Variants in CSMD3 observed in about 807,000 individuals in gnomAD.
CSMD3 encodes CUB and Sushi multiple domains 3, also known as CUB and sushi domain-containing protein 3.
A neutral mutation model predicts 435.2 loss-of-function variants in CSMD3; 177 were observed. That is an observed-to-expected ratio of 0.41 (90% confidence interval 0.36 to 0.46). The LOEUF (loss-of-function observed/expected upper bound fraction) is 0.46. Ranked by LOEUF, CSMD3 falls within the 20% of genes least tolerant of loss-of-function variation. The pLI, the probability that CSMD3 is intolerant of heterozygous loss-of-function variation, is 0.34. For synonymous variants in CSMD3, 1,656 were observed against 1,520.5 expected, an observed-to-expected ratio of 1.09 and a Z score of -2.07; for missense variants, 4,265 against 4,504.6, an observed-to-expected ratio of 0.95 and a Z score of 1.52.
intron 32 of CSMD3, among the ~76,000 whole-genome samples, chr8:112,470,624 A>C (rs142397623): frequency 4.0e-4 from 61 of 152,184 alleles, no homozygotes; most frequent in African/African-American, 1.4e-3. Flanking sequence ...GACATACTTC[A>C]CATGTATATA....
intron 32 of CSMD3, among the ~76,000 whole-genome samples, chr8:112,419,584 C>G (rs931559400): frequency 2.0e-5 from 3 of 152,066 alleles, no homozygotes; most frequent in African/African-American, 7.2e-5. Context: ...TTTGTCAACC[C>G]ATAAACTAGG....
chr8:112,385,637 GC>G (rs1829872987), intron 36 of CSMD3, among the ~76,000 whole-genome samples: 1 of 152,196 alleles, frequency 6.6e-6, no homozygotes, highest in South Asian at 2.1e-4. Context: ...TGTATTGGAG[GC>G]AGGAGTAGTA....
rs182678117 is a variant in CSMD3 at position 112,383,624 on chromosome 8, A to T, written c.5974T>A (p.Ser1992Thr). The change falls in exon 37 of 71, where the codon TCT (serine) becomes ACT (threonine). Residue 1992 changes from serine (S) to threonine (T), a missense_variant. Ser to Thr is a moderately conservative substitution (Grantham distance 58). Coordinates refer to ENST00000297405, the MANE Select transcript of CSMD3 (RefSeq NM_198123.2). Reference sequence around the variant, plus strand: ...TCTCCCCCATCATAAAAGTCCAGAGAATCCCAATTATGTTCTGTAGCAAAG... The same window carrying T: ...TCTCCCCCATCATAAAAGTCCAGAGTATCCCAATTATGTTCTGTAGCAAAG... Reference protein sequence around the residue: ...VSFATEHNWDSLDFYDGGDNN... With the variant: ...VSFATEHNWDTLDFYDGGDNN... The T allele has an allele frequency of 2.5e-6, 4 of 1,609,714 alleles. No individual in the cohort carries two copies. In the East Asian group the frequency reaches 8.9e-5, roughly 36 times the overall value.
At chr8:112,335,684 A>C (rs1033998132) in intron 44 of CSMD3, among the ~76,000 whole-genome samples, 8 of 151,384 alleles carry the variant, frequency 5.3e-5, no homozygotes, top group African/African-American at 1.9e-4. Flanking sequence ...AATAGATTAC[A>C]TTTTTACTAA....
chr8:112,598,255 A>G (rs1286713471), intron 22 of CSMD3, among the ~76,000 whole-genome samples: 3 of 138,442 alleles, frequency 2.2e-5, no homozygotes, highest in African/African-American at 8.4e-5. Context: ...TCATGAGTGA[A>G]CTCCCATTCA....
intron 3 of CSMD3, among the ~76,000 whole-genome samples, chr8:113,265,416 C>A (rs1021558609): frequency 6.6e-6 from 1 of 151,444 alleles, no homozygotes; most frequent in African/African-American, 2.4e-5. Flanking sequence ...TTGAAGTAAA[C>A]CCTGGCTAGA....
At chr8:112,674,334 T>C (rs1254305438) in intron 16 of CSMD3, among the ~76,000 whole-genome samples, 1 of 152,140 alleles carries the variant, frequency 6.6e-6, no homozygotes, top group Non-Finnish European at 1.5e-5. Flanking sequence ...TGGAAGTTAT[T>C]GCTTTCCTTG....
chr8:112,420,030 C>T (rs1479066820), intron 32 of CSMD3, among the ~76,000 whole-genome samples: 1 of 151,998 alleles, frequency 6.6e-6, no homozygotes, highest in East Asian at 1.9e-4. Context: ...ATTTAATCAC[C>T]TTTCATATTT....
At chr8:112,644,327 T>C (rs2131609231) in intron 20 of CSMD3, among the ~76,000 whole-genome samples, 1 of 152,064 alleles carries the variant, frequency 6.6e-6, no homozygotes, top group South Asian at 2.1e-4. Context: ...TAAACATGAG[T>C]AATTGTTTAG....
chr8:112,298,066 CA>C (rs35232021), intron 53 of CSMD3, among the ~76,000 whole-genome samples: 24,293 of 93,976 alleles, frequency 0.26, 1,688 homozygotes, highest in Non-Finnish European at 0.36. Context: ...TGCCATTGCA[CA>C]AAAAAAAAAA....
chr8:113,157,740 G>A (rs1353178021), intron 4 of CSMD3, among the ~76,000 whole-genome samples: 1 of 152,068 alleles, frequency 6.6e-6, no homozygotes, highest in Non-Finnish European at 1.5e-5. Context: ...GATGAGATAT[G>A]TATTATAAGC....
At position 113,268,378 on chromosome 8, in the gene CSMD3, A is replaced by G. The variant is rs2093490167; in HGVS notation, c.514+10214T>C. On this transcript the variant is annotated intron_variant, in intron 3 of 70. Transcript: ENST00000297405. ...GAACTTTTTACTCATTTGGCTCTTT[A>G]TAACATTAAAACATATAAAACCTAA... Among the ~76,000 whole-genome samples the G allele has an allele frequency of 1.3e-5, 2 of 151,882 alleles. 1 individual carries two copies. The highest frequency in any genetic ancestry group is 4.1e-4 in the South Asian group (2 of 4,832).
chr8:112,529,029 TC>T (rs1825267040), intron 27 of CSMD3, among the ~76,000 whole-genome samples: 1 of 151,906 alleles, frequency 6.6e-6, no homozygotes, highest in African/African-American at 2.4e-5. Flanking sequence ...TCCCAAGTCT[TC>T]TTTGCTGCTC....
chr8:112,685,362 A>T (rs373486761), intron 15 of CSMD3, 44 bp downstream of exon 15: 24 of 1,506,214 alleles, frequency 1.6e-5, no homozygotes, highest in Non-Finnish European at 2.1e-5. Context: ...ACTCAAATTT[A>T]TAGAAATATA....
intron 3 of CSMD3, among the ~76,000 whole-genome samples, chr8:113,191,908 ATC>A (rs1420424600): frequency 1.3e-4 from 19 of 151,726 alleles, no homozygotes; most frequent in African/African-American, 4.4e-4. Flanking sequence ...CCTTGCCAGC[ATC>A]TGTTATTTCT....
intron 27 of CSMD3, among the ~76,000 whole-genome samples, chr8:112,545,986 T>C (rs1369887248): frequency 6.6e-6 from 1 of 152,202 alleles, no homozygotes; most frequent in Non-Finnish European, 1.5e-5. Context: ...TAGTAGTTCA[T>C]TGCTACTAGA....
At position 112,512,473 on chromosome 8, in the gene CSMD3, C is replaced by T. The variant is rs79091477; in HGVS notation, c.4756+4561G>A. 3.5e-3 allele frequency among the ~76,000 whole-genome samples: 535 copies of T among 152,254 alleles called. 3 individuals are homozygous for T. The highest frequency in any genetic ancestry group is 0.012 in the African/African-American group (516 of 41,558). On this transcript the variant is annotated intron_variant, in intron 28 of 70. Transcript: ENST00000297405. ...GAACAAGCAATGGGTACATTTTCAA[C>T]GAGCAGTGATATTTTGAAAATCATC...
chr8:113,260,863 T>C (rs1211463266), intron 3 of CSMD3, among the ~76,000 whole-genome samples: 1 of 152,160 alleles, frequency 6.6e-6, no homozygotes, highest in Admixed American at 6.6e-5. Flanking sequence ...CTGAGAGTGA[T>C]GGCTTCCAGC....
At position 112,438,826 on chromosome 8, in the gene CSMD3, C is replaced by T. The variant is rs149129797; in HGVS notation, c.5396-29794G>A. Among the ~76,000 whole-genome samples, 49 of 152,238 alleles carry T rather than the reference C, an allele frequency of 3.2e-4. No individual in the cohort carries two copies. The East Asian group carries it at 9.3e-3, about 29-fold the overall frequency. On this transcript the variant is annotated intron_variant, in intron 32 of 70. Coordinates refer to ENST00000297405, the MANE Select transcript of CSMD3 (RefSeq NM_198123.2). Reference sequence around the variant, plus strand: ...TAATTATAACCCCATATAGCTACTACCAAATTCAGTATAATTGTGTAATAA... The same window carrying T: ...TAATTATAACCCCATATAGCTACTATCAAATTCAGTATAATTGTGTAATAA...
Sources: gnomAD v4.1 joint callset for allele counts (sites outside exome capture counted in the v4.1 genomes callset) on GRCh38, gnomAD v4.1.1 for gene constraint, MANE v1.5 for transcripts, NCBI Gene and HGNC (gene_info 2026-07-23, HGNC 2026-07-21) for gene names.